CACNA1I: variants seen among roughly 807,000 people sequenced by gnomAD.
CACNA1I encodes the protein calcium voltage-gated channel subunit alpha1 I.
CACNA1I carries 74 observed loss-of-function variants against 201.6 expected under a neutral mutation model. The observed-to-expected ratio is 0.37, with a 90% confidence interval of 0.30 to 0.45. The LOEUF (loss-of-function observed/expected upper bound fraction) is 0.45, where lower values mean the gene tolerates loss of function less well. CACNA1I is among the 20% of genes least tolerant of loss of function. The pLI, the probability that CACNA1I is intolerant of heterozygous loss-of-function variation, is 1.00. For synonymous variants in CACNA1I, 1,431 were observed against 1,345.2 expected (o/e 1.06, Z -1.40); for missense variants, 2,346 against 3,138.1 (o/e 0.75, Z 6.03).
At chr22:39,672,864 T>G in intron 27 of CACNA1I, 85 bp from the exon 28 acceptor site, 3 of 1,453,028 alleles carry the variant, frequency 2.1e-6, no homozygotes, top group Non-Finnish European at 2.8e-6. Context: ...GGTCAGGACC[T>G]GGGAGGCTCC....
chr22:39,641,270 C>A (rs1311115928), intron 6 of CACNA1I, 88 bp downstream of exon 6: 3 of 1,155,598 alleles, frequency 2.6e-6, no homozygotes, highest in Non-Finnish European at 3.7e-6. Flanking sequence ...CATTTGCCAG[C>A]CCTCATCTCA....
chr22:39,604,517 C>G (rs889888163), intron 3 of CACNA1I, among the ~76,000 whole-genome samples: 3 of 152,156 alleles, frequency 2.0e-5, no homozygotes, highest in Non-Finnish European at 4.4e-5. Context: ...ACAAGGGGCC[C>G]TGCATCTTCA....
At chr22:39,590,452 C>G (rs1932808145) in intron 1 of CACNA1I, among the ~76,000 whole-genome samples, 3 of 152,236 alleles carry the variant, frequency 2.0e-5, no homozygotes, top group Non-Finnish European at 4.4e-5. Context: ...AGCAGGGACA[C>G]AGCCAGACGG....
chr22:39,572,436 T>A (rs1215155564), intron 1 of CACNA1I, among the ~76,000 whole-genome samples: 1 of 152,012 alleles, frequency 6.6e-6, no homozygotes, highest in Non-Finnish European at 1.5e-5. Context: ...ATGTTGAGAC[T>A]GGCTGCAGGA....
chr22:39,636,997 C>T (rs1000395632), intron 5 of CACNA1I, among the ~76,000 whole-genome samples: 2 of 152,212 alleles, frequency 1.3e-5, no homozygotes, highest in African/African-American at 4.8e-5. Flanking sequence ...AAGGGACTCA[C>T]CCAGGGCCAA....
chr22:39,585,391 T>TTC (rs1569047947), intron 1 of CACNA1I, among the ~76,000 whole-genome samples: 73 of 137,454 alleles, frequency 5.3e-4, no homozygotes, highest in East Asian at 1.9e-3. Flanking sequence ...TCTTTCTTTT[T>TTC]TTTTTTTTTT....
chr22:39,655,866 G>A (rs1029415780), intron 10 of CACNA1I, among the ~76,000 whole-genome samples: 4 of 152,214 alleles, frequency 2.6e-5, no homozygotes, highest in South Asian at 2.1e-4. Context: ...AGGAGGAGGC[G>A]CGGGGTGACC....
intron 4 of CACNA1I, among the ~76,000 whole-genome samples, chr22:39,628,237 G>C (rs1470393333): frequency 6.6e-6 from 1 of 152,192 alleles, no homozygotes; most frequent in Non-Finnish European, 1.5e-5. Context: ...GGGGTTCTCT[G>C]GGCGAGACCC....
chr22:39,637,358 T>G (rs910666690), intron 5 of CACNA1I, among the ~76,000 whole-genome samples: 2 of 151,938 alleles, frequency 1.3e-5, no homozygotes, highest in African/African-American at 4.8e-5. Flanking sequence ...CCTAAAAGAT[T>G]CAAGAAAAAT....
At chr22:39,615,361 C>T (rs771987621) in intron 3 of CACNA1I, among the ~76,000 whole-genome samples, 10 of 152,074 alleles carry the variant, frequency 6.6e-5, no homozygotes, top group Admixed American at 2.6e-4. Flanking sequence ...ACAGCTAGGT[C>T]TGAGTTTAGG....
intron 3 of CACNA1I, among the ~76,000 whole-genome samples, chr22:39,601,811 C>G (rs1270968735): frequency 6.8e-6 from 1 of 146,666 alleles, no homozygotes; most frequent in Non-Finnish European, 1.5e-5. Context: ...CTTGCTTGCT[C>G]TCTCGCTTTC....
rs763779437 is a variant in CACNA1I, at chr22:39,598,137, G to C, written c.237-14G>C. ...CGATCCCACCTGCTGCTTTGTCCTT[G>C]ACTTGGTGTGCACGTGGTTTGAATG... is the stretch of plus-strand genomic sequence containing the variant. On this transcript the variant is annotated splice_polypyrimidine_tract_variant and intron_variant, in intron 1 of 36. Coordinates refer to ENST00000402142, the MANE Select transcript of CACNA1I (RefSeq NM_021096.4). 32 of 1,552,532 alleles carry C rather than the reference G, an allele frequency of 2.1e-5. No individual in the cohort carries two copies. The highest frequency in any genetic ancestry group is 3.6e-5 in the Admixed American group (2 of 55,586).
chr22:39,598,953 T>G (rs905726351), intron 2 of CACNA1I, among the ~76,000 whole-genome samples: 2 of 131,822 alleles, frequency 1.5e-5, no homozygotes, highest in African/African-American at 5.7e-5. Context: ...TTTTTTTTTT[T>G]TTTTTTTTTT....
chr22:39,681,962 G>A (rs1357725192), intron 34 of CACNA1I, among the ~76,000 whole-genome samples: 19 of 152,214 alleles, frequency 1.2e-4, no homozygotes, highest in Admixed American at 1.2e-3. Flanking sequence ...GACTTGGGCA[G>A]GGTGCAGTCT....
Position 39,679,972 on chromosome 22 carries a change from G to A in CACNA1I, c.5541+104G>A, listed in dbSNP as rs1396300100. 4 of 1,236,616 alleles carry A rather than the reference G, an allele frequency of 3.2e-6. No homozygotes were observed. The African/African-American group carries it at 4.5e-5, about 14-fold the overall frequency. 76.6% of individuals were successfully genotyped at this position (1,236,616 alleles called of 1,614,324 possible). ...GCCTGGCTCTGGGCTGTAGAGACCA[G>A]GCTGGGTCAACGTGGGCACACGTAG... On this transcript the variant is annotated intron_variant, in intron 33 of 36. Coordinates refer to ENST00000402142, the MANE Select transcript of CACNA1I (RefSeq NM_021096.4).
At chr22:39,667,486 G>A (rs767037183) in intron 23 of CACNA1I, among the ~76,000 whole-genome samples, 5 of 152,212 alleles carry the variant, frequency 3.3e-5, no homozygotes, top group Non-Finnish European at 7.3e-5. Flanking sequence ...CAGATGAAAT[G>A]GGACCCTTTG....
chr22:39,664,164 C>A lies in CACNA1I; in HGVS notation c.3666+5C>A. ...GTGGGCGAGATGACATTGAAGGTAG[C>A]TCCCGGTTTCACCCGGGACCCCTGC... On this transcript the variant is annotated splice_donor_5th_base_variant and intron_variant, in intron 20 of 36. Transcript: ENST00000402142. 6.2e-7 allele frequency: 1 copy of A among 1,611,614 alleles called. No individual in the cohort carries two copies. Among genetic ancestry groups the A allele is most frequent in the Non-Finnish European group, 8.5e-7 (1 of 1,178,692 alleles).
rs12628240 is a variant in CACNA1I, at chr22:39,600,687, T to C, written c.482+34T>C. On this transcript the variant is annotated intron_variant, in intron 3 of 36. Coordinates refer to ENST00000402142, the MANE Select transcript of CACNA1I (RefSeq NM_021096.4). ...CGCCCGCCAGGCAGGTCCTAGCCTC[T>C]GGTGCACACCAGGCATAATTGAGAG... 4.4e-4 allele frequency: 688 copies of C among 1,566,818 alleles called. 7 individuals are homozygous for C. In the East Asian group the frequency reaches 0.014, roughly 33 times the overall value.
chr22:39,679,997 G>C (rs1935652767), intron 33 of CACNA1I, 129 bp downstream of exon 33: 1 of 919,364 alleles, frequency 1.1e-6, no homozygotes, highest in South Asian at 1.7e-5. Flanking sequence ...GGCACACGTA[G>C]CTTCCATGGC....
Sources: gnomAD v4.1 joint callset for allele counts (sites outside exome capture counted in the v4.1 genomes callset) on GRCh38, gnomAD v4.1.1 for gene constraint, MANE v1.5 for transcripts, NCBI Gene and HGNC (gene_info 2026-07-23, HGNC 2026-07-21) for gene names.